JMJD7: variants seen among roughly 807,000 people sequenced by gnomAD.
The protein encoded by JMJD7 is bifunctional peptidase and (3S)-lysyl hydroxylase JMJD7.
A neutral mutation model predicts 41.1 loss-of-function variants in JMJD7; 41 were observed. The observed-to-expected ratio is 1.00, with a 90% confidence interval of 0.78 to 1.30. The LOEUF (loss-of-function observed/expected upper bound fraction) is 1.30. JMJD7 is among the 50% of genes most tolerant of loss of function. The probability of loss-of-function intolerance (pLI) is 0.00; values close to 1 mark genes in which losing one functional copy is unlikely to be tolerated. For synonymous variants in JMJD7, 202 were observed against 177.2 expected, an observed-to-expected ratio of 1.14 and a Z score of -1.11; for missense variants, 480 against 420.7, an observed-to-expected ratio of 1.14 and a Z score of -1.23.
chr15:41,834,993 T>A lies in JMJD7; in HGVS notation c.242T>A (p.Val81Glu), dbSNP rs775176223. 2.5e-6 allele frequency: 4 copies of A among 1,613,704 alleles called. No individual in the cohort carries two copies. The highest frequency in any genetic ancestry group is 3.3e-5 in the Admixed American group (2 of 59,988). ...AGAGCCACAGTGGGCTCCACAGAGG[T>A]GAGTGTGGCCGTGACCCCAGATGGT... ...YFRATVGSTE[V>E]SVAVTPDGYA... The change falls in exon 3 of 8, where the codon GTG becomes GAG. Residue 81 changes from valine (V) to glutamate (E), a missense_variant. By Grantham distance (121) the Val-to-Glu change is moderately radical. Transcript: ENST00000397299.
At chr15:41,836,366 AG>A in intron 5 of JMJD7, 108 bp from the exon 6 acceptor site, 1 of 1,551,786 alleles carries the variant, frequency 6.4e-7, no homozygotes, top group Non-Finnish European at 8.8e-7. Context: ...CCAGTGCACC[AG>A]GGCCCCTGAT....
chr15:41,829,466 C>CA (rs1279298345), intron 1 of JMJD7, among the ~76,000 whole-genome samples: 26 of 152,306 alleles, frequency 1.7e-4, no homozygotes, highest in African/African-American at 6.3e-4. Flanking sequence ...CATGCGCCAC[C>CA]ACGCCTGGCT....
rs756891704 is a variant in JMJD7, at chr15:41,836,923, C to T, written c.845C>T (p.Ser282Phe). ...CTGTGGTTCCACCACGTCCAGCAGTCCCAGGGCTGCATCGCAGGTGAAGAG... is the reference window on the plus strand; with the variant it reads ...CTGTGGTTCCACCACGTCCAGCAGTTCCAGGGCTGCATCGCAGGTGAAGAG... Reference protein sequence around the residue: ...PALWFHHVQQSQGCIAVNFWY... With the variant: ...PALWFHHVQQFQGCIAVNFWY... Residue 282 changes from serine (S) to phenylalanine (F), a missense_variant, in exon 7 of 8, where the codon TCC becomes TTC. Transcript: ENST00000397299. 1.2e-6 allele frequency: 2 copies of T among 1,613,192 alleles called. No individual in the cohort carries two copies. The highest frequency in any genetic ancestry group is 3.3e-5 in the Admixed American group (2 of 60,010).
At position 41,835,732 on chromosome 15, in the gene JMJD7, G is replaced by A. The variant is rs149518966; in HGVS notation, c.529+88G>A. On this transcript the variant is annotated intron_variant, in intron 4 of 7. Coordinates refer to ENST00000397299, the MANE Select transcript of JMJD7 (RefSeq NM_001114632.2). ...AGGCCAGGAGTGGAGGGATGGCCCT[G>A]GGTGGAGGTTGGGCTGTTCTCTAAG... The A allele has an allele frequency of 5.2e-4, 770 of 1,488,496 alleles. 1 individual carries two copies. Among genetic ancestry groups the A allele is most frequent in the Non-Finnish European group, 6.6e-4 (721 of 1,097,932 alleles). The allele number at this position is 1,488,496 out of a possible 1,614,324, so 92.2% of individuals were successfully genotyped here.
chr15:41,837,101 A>G lies in JMJD7; in HGVS notation c.896A>G (p.Lys299Arg). 1 of 1,613,730 alleles carries G rather than the reference A, an allele frequency of 6.2e-7. No individual in the cohort carries two copies. Among genetic ancestry groups the G allele is most frequent in the East Asian group, 2.2e-5 (1 of 44,874 alleles). The change falls in exon 8 of 8, where the codon AAG becomes AGG. Residue 299 changes from lysine (K) to arginine (R), a missense_variant. Physicochemically the swap from Lys to Arg is conservative, Grantham distance 26 (BLOSUM62 2). Coordinates refer to ENST00000397299, the MANE Select transcript of JMJD7 (RefSeq NM_001114632.2). ...TGGTATGACATGGAATACGACCTCA[A>G]GTATAGTTACTTCCAGCTGCTCGAC... ...NFWYDMEYDL[K>R]YSYFQLLDSL...
rs2065295554 is a variant in JMJD7, at chr15:41,835,308, C to T, written c.472+85C>T. 4 of 1,508,988 alleles carry T rather than the reference C, an allele frequency of 2.7e-6. No individual in the cohort carries two copies. The Admixed American group carries it at 6.1e-5, about 23-fold the overall frequency. The allele number at this position is 1,508,988 out of a possible 1,614,324, so 93.5% of individuals were successfully genotyped here. ...CAGCCTGTTTGCCCTTAGGTGATGA[C>T]CTGGCCTATGGGCTTGGTCCTGTCA... On this transcript the variant is annotated intron_variant, in intron 3 of 7. Coordinates refer to ENST00000397299, the MANE Select transcript of JMJD7 (RefSeq NM_001114632.2).
intron 1 of JMJD7, among the ~76,000 whole-genome samples, chr15:41,831,531 T>C (rs1459511024): frequency 6.6e-6 from 1 of 152,140 alleles, no homozygotes; most frequent in Non-Finnish European, 1.5e-5. Context: ...ACCTAGAGCA[T>C]GAATGTAGCA....
Position 41,828,149 on chromosome 15 carries a change from G to C in JMJD7, c.25G>C (p.Val9Leu). 3 of 1,486,922 alleles carry C rather than the reference G, an allele frequency of 2.0e-6. No individual in the cohort carries two copies. The highest frequency in any genetic ancestry group is 2.7e-6 in the Non-Finnish European group (3 of 1,126,408). 92.1% of individuals were successfully genotyped at this position (1,486,922 alleles called of 1,614,324 possible). Residue 9 changes from valine to leucine, a missense_variant, in exon 1 of 8, where the codon GTG becomes CTG. Physicochemically the swap from Val to Leu is conservative, Grantham distance 32 (BLOSUM62 1). Coordinates refer to ENST00000397299, the MANE Select transcript of JMJD7 (RefSeq NM_001114632.2). Reference sequence around the variant, plus strand: ...CATGGCGGAGGCGGCTTTGGAAGCCGTGCGGAGCGAGTTACGAGAATTCCC... The same window carrying C: ...CATGGCGGAGGCGGCTTTGGAAGCCCTGCGGAGCGAGTTACGAGAATTCCC... MAEAALEA[V>L]RSELREFPAA... is the part of the protein sequence containing the mutation.
Position 41,837,046 on chromosome 15 carries a change from C to G in JMJD7, c.863-22C>G, listed in dbSNP as rs755473089. 5 of 1,603,064 alleles carry G rather than the reference C, an allele frequency of 3.1e-6. No individual in the cohort carries two copies. The African/African-American group carries it at 6.7e-5, about 21-fold the overall frequency. On this transcript the variant is annotated intron_variant, in intron 7 of 7. Transcript: ENST00000397299. ...AGGTCAGAAGAGGGATCTTCATGCT[C>G]AGATCCCCGTTCTTCCCACAGTGAA...
chr15:41,834,776 A>G lies in JMJD7; in HGVS notation c.101A>G (p.Lys34Arg), dbSNP rs1292468011. The G allele has an allele frequency of 6.2e-7, 1 of 1,614,082 alleles. No individual in the cohort carries two copies. The highest frequency in any genetic ancestry group is 1.7e-5 in the Admixed American group (1 of 60,016). The stretch of plus-strand genomic sequence containing the variant: ...CCTCTTGCTGTGCCCTACCTGGACA[A>G]ACCCCCAACTCCGCTCCACTTCTAC... ...CVPLAVPYLD[K>R]PPTPLHFYRD... Residue 34 changes from lysine (K) to arginine (R), a missense_variant, in exon 2 of 8, where the codon AAA becomes AGA. Lys to Arg is a conservative substitution (Grantham distance 26). Transcript: ENST00000397299.
intron 7 of JMJD7, 24 bp downstream of exon 7, chr15:41,836,964 G>A (rs1321985084): frequency 1.2e-6 from 2 of 1,610,452 alleles, no homozygotes; most frequent in Non-Finnish European, 1.7e-6. Context: ...CAGGCCGCCT[G>A]GGGAGAGGCC....
At chr15:41,830,861 A>G (rs1457237640) in intron 1 of JMJD7, among the ~76,000 whole-genome samples, 1 of 152,186 alleles carries the variant, frequency 6.6e-6, no homozygotes, top group Non-Finnish European at 1.5e-5. Flanking sequence ...GCCAACGAGC[A>G]TGGGAGGGAG....
At position 41,828,115 on chromosome 15, in the gene JMJD7, T is replaced by A. The variant is rs754009435; in HGVS notation, c.-10T>A. The A allele has an allele frequency of 4.8e-6, 7 of 1,447,890 alleles. No homozygotes were observed. The highest frequency in any genetic ancestry group is 6.3e-6 in the Non-Finnish European group (7 of 1,103,226). The allele number at this position is 1,447,890 out of a possible 1,614,324, so 89.7% of individuals were successfully genotyped here. On this transcript the variant is annotated 5_prime_UTR_variant, in exon 1 of 8. Coordinates refer to ENST00000397299, the MANE Select transcript of JMJD7 (RefSeq NM_001114632.2). ...GGAAAGGCGGGGTCTCGGCCGGCGC[T>A]GACGCAGCCATGGCGGAGGCGGCTT...
Position 41,831,116 on chromosome 15 carries a change from A to G in JMJD7, c.64+2928A>G, listed in dbSNP as rs528485244. Reference sequence around the variant, plus strand: ...CCCACCCATGGCTGCCCATGGACCAATAGGCATGTACCTCCTCCCCTGTGA... The same window carrying G: ...CCCACCCATGGCTGCCCATGGACCAGTAGGCATGTACCTCCTCCCCTGTGA... On this transcript the variant is annotated intron_variant, in intron 1 of 7. Coordinates refer to ENST00000397299, the MANE Select transcript of JMJD7 (RefSeq NM_001114632.2). Among the ~76,000 whole-genome samples the G allele has an allele frequency of 6.6e-5, 10 of 152,278 alleles. No homozygotes were observed. The South Asian group carries it at 2.1e-3, about 32-fold the overall frequency.
In JMJD7 at chr15:41,837,175, C is replaced by A. The variant is rs11547012; in HGVS notation, c.*19C>A. On this transcript the variant is annotated 3_prime_UTR_variant, in exon 8 of 8. Coordinates refer to ENST00000397299, the MANE Select transcript of JMJD7 (RefSeq NM_001114632.2). ...TGACTGATGGAGCACTGGTGAACAC[C>A]ACCAAGCACGCCTCGGGGGACGGAG... The A allele has an allele frequency of 3.8e-6, 6 of 1,576,218 alleles. No homozygotes were observed. The highest frequency in any genetic ancestry group is 3.5e-6 in the Non-Finnish European group (4 of 1,150,728).
At chr15:41,828,358 G>T in intron 1 of JMJD7, 170 bp downstream of exon 1, 1 of 773,814 alleles carries the variant, frequency 1.3e-6, no homozygotes, top group East Asian at 3.4e-5. Flanking sequence ...GCGCTCCCGC[G>T]GCTTCCTGGG....
rs2065342982 is a variant in JMJD7, at chr15:41,837,452, A to G, written c.*296A>G. 3 of 474,078 alleles carry G rather than the reference A, an allele frequency of 6.3e-6. No homozygotes were observed. The highest frequency in any genetic ancestry group is 1.1e-5 in the Non-Finnish European group (3 of 265,668). 29.4% of individuals were successfully genotyped at this position (474,078 alleles called of 1,614,324 possible). A position where few individuals can be genotyped will look rare whatever the true frequency, so the allele number is the denominator to read the frequency against. ...TTGGGCGAGTCACTGCGTCTCGGGCATTGGTGTCCTGTCAGTAAAGAGATA... is the reference window on the plus strand; with the variant it reads ...TTGGGCGAGTCACTGCGTCTCGGGCGTTGGTGTCCTGTCAGTAAAGAGATA... On this transcript the variant is annotated 3_prime_UTR_variant, in exon 8 of 8. Coordinates refer to ENST00000397299, the MANE Select transcript of JMJD7 (RefSeq NM_001114632.2).
intron 6 of JMJD7, 25 bp from the exon 7 acceptor site, chr15:41,836,756 T>C (rs75529712): frequency 6.3e-7 from 1 of 1,584,986 alleles, no homozygotes; most frequent in Non-Finnish European, 8.6e-7. Flanking sequence ...GGGGGGCTGC[T>C]CCCTGGCATC....
chr15:41,834,136 C>T (rs927538840), intron 1 of JMJD7, among the ~76,000 whole-genome samples: 2 of 152,216 alleles, frequency 1.3e-5, no homozygotes, highest in African/African-American at 4.8e-5. Context: ...GGACCCAAAC[C>T]ATAGCCGAGC....
Sources: allele counts gnomAD v4.1 joint callset (sites outside exome capture counted in the v4.1 genomes callset), GRCh38; gene constraint gnomAD v4.1.1; transcripts MANE v1.5; gene names NCBI Gene and HGNC (gene_info 2026-07-23, HGNC 2026-07-21).